The following RABGEF1 variants were observed in gnomAD, a reference collection of about 807,000 sequenced individuals.
RABGEF1 encodes the protein rab5 GDP/GTP exchange factor.
In RABGEF1, 26 loss-of-function variants were observed where a neutral mutation model predicts 57.3. The observed-to-expected ratio is 0.45, with a 90% CI of 0.33 to 0.63. The LOEUF is 0.63. Among genes scored for constraint, RABGEF1 ranks in the 20% least tolerant of loss-of-function variants. The pLI, the probability that RABGEF1 is intolerant of heterozygous loss-of-function variation, is 0.02. For synonymous variants in RABGEF1, 185 were observed against 210.7 expected, an observed-to-expected ratio of 0.88 and a Z score of 1.06; for missense variants, 464 against 607.6, an observed-to-expected ratio of 0.76 and a Z score of 2.48.
At chr7:66,768,273 CT>C (rs542676594) in intron 1 of RABGEF1, among the ~76,000 whole-genome samples, 200 of 152,256 alleles carry the variant, frequency 1.3e-3, no homozygotes, top group African/African-American at 4.6e-3. Context: ...TACAAACATC[CT>C]TGACTGCACA....
chr7:66,747,592 T>C (rs1389295097), intron 1 of RABGEF1, among the ~76,000 whole-genome samples: 1 of 152,230 alleles, frequency 6.6e-6, no homozygotes, highest in Non-Finnish European at 1.5e-5. Flanking sequence ...CTGTGTGCTT[T>C]GCAGTTAAAA....
the RABGEF1 span, among the ~76,000 whole-genome samples, chr7:66,654,803 T>A: frequency 6.6e-6 from 1 of 152,142 alleles, no homozygotes; most frequent in Non-Finnish European, 1.5e-5. Context: ...CCCCGTCAGC[T>A]CCGCCTTCCC....
intron 1 of RABGEF1, among the ~76,000 whole-genome samples, chr7:66,702,709 C>T (rs1423892027): frequency 6.6e-6 from 1 of 152,152 alleles, no homozygotes; most frequent in Non-Finnish European, 1.5e-5. Context: ...TTTTCACTTA[C>T]ATTTCACTAA....
At chr7:66,779,195 G>A (rs896949496) in intron 3 of RABGEF1, among the ~76,000 whole-genome samples, 5 of 151,922 alleles carry the variant, frequency 3.3e-5, no homozygotes, top group Non-Finnish European at 1.5e-5. Context: ...CATAATCCGT[G>A]TGTTAATTTA....
chr7:66,720,397 C>T (rs1471968314), intron 2 of RABGEF1, among the ~76,000 whole-genome samples: 2 of 151,214 alleles, frequency 1.3e-5, no homozygotes, highest in African/African-American at 4.9e-5. Flanking sequence ...GGGGTTTCGC[C>T]ATGTTGGCCA....
chr7:66,677,252 T>G (rs1789337386), upstream of RABGEF1, among the ~76,000 whole-genome samples: 1 of 152,106 alleles, frequency 6.6e-6, no homozygotes, highest in African/African-American at 2.4e-5. Context: ...TTCCTCAACA[T>G]GATAAAGGCC....
intron 1 of RABGEF1, among the ~76,000 whole-genome samples, chr7:66,767,675 A>G (rs972551637): frequency 6.6e-6 from 1 of 152,194 alleles, no homozygotes; most frequent in Non-Finnish European, 1.5e-5. Context: ...AAGTGCCCTT[A>G]TAAGAGACTG....
chr7:66,772,578 A>G (rs1247803759), intron 2 of RABGEF1, among the ~76,000 whole-genome samples: 1 of 152,180 alleles, frequency 6.6e-6, no homozygotes, highest in Admixed American at 6.6e-5. Context: ...AAATTAGGTT[A>G]GCATTTGGTA....
chr7:66,743,541 G>A (rs1005321861), intron 1 of RABGEF1, among the ~76,000 whole-genome samples: 2 of 151,336 alleles, frequency 1.3e-5, no homozygotes, highest in Non-Finnish European at 2.9e-5. Context: ...TGGCTCTGTC[G>A]CCCAGGCTGG....
chr7:66,702,936 C>T (rs188713034), intron 1 of RABGEF1, among the ~76,000 whole-genome samples: 1 of 151,946 alleles, frequency 6.6e-6, no homozygotes, highest in African/African-American at 2.4e-5. Context: ...TTTATTTTCA[C>T]TTTTTTGATA....
intron 2 of RABGEF1, among the ~76,000 whole-genome samples, chr7:66,721,977 C>A (rs1279718655): frequency 1.3e-5 from 2 of 149,822 alleles, no homozygotes; most frequent in Non-Finnish European, 2.9e-5. Context: ...TATAGTGAGA[C>A]CCCCCCTCCG....
intron 2 of RABGEF1, among the ~76,000 whole-genome samples, chr7:66,734,926 C>T (rs1393704221): frequency 6.6e-6 from 1 of 152,130 alleles, no homozygotes; most frequent in East Asian, 1.9e-4. Context: ...CATGGCCAAA[C>T]AGGTTTGTCT....
chr7:66,720,145 AT>A lies in RABGEF1; in HGVS notation c.-815+7924del, dbSNP rs999007167. ...ATCTCAATACTTGCAGAAAAGAAGC[AT>A]TTGACAACATTCAACATCCATTCAT... is the stretch of plus-strand genomic sequence containing the variant. On this transcript the variant is annotated intron_variant and NMD_transcript_variant, in intron 2 of 9. Transcript: ENST00000607882. Among the ~76,000 whole-genome samples the A allele has an allele frequency of 2.3e-3, 347 of 150,626 alleles. 1 individual carries two copies. Among genetic ancestry groups the A allele is most frequent in the Admixed American group, 3.9e-3 (59 of 15,140 alleles).
chr7:66,803,519 C>T (rs779426544), intron 7 of RABGEF1, among the ~76,000 whole-genome samples: 4 of 152,170 alleles, frequency 2.6e-5, no homozygotes, highest in South Asian at 4.1e-4. Flanking sequence ...CAGCACCCTT[C>T]GCTGTCCCCC....
the RABGEF1 span, chr7:66,654,718 G>C: frequency 1.3e-5 from 2 of 152,840 alleles, no homozygotes; most frequent in Non-Finnish European, 2.9e-5. Context: ...CGGCGGGGCG[G>C]TCGGTCCGTG....
intron 1 of RABGEF1, among the ~76,000 whole-genome samples, chr7:66,759,472 T>C (rs1221764753): frequency 6.6e-6 from 1 of 152,210 alleles, no homozygotes; most frequent in Non-Finnish European, 1.5e-5. Flanking sequence ...TACTGGAGGT[T>C]GGTCACATAG....
At chr7:66,657,906 A>C in the RABGEF1 span, among the ~76,000 whole-genome samples, 1 of 152,206 alleles carries the variant, frequency 6.6e-6, no homozygotes, top group East Asian at 1.9e-4. Flanking sequence ...ATCTAGAAAA[A>C]GAAGAGCTAA....
intron 2 of RABGEF1, among the ~76,000 whole-genome samples, chr7:66,721,820 A>AGGT (rs1796082507): frequency 6.6e-6 from 1 of 151,930 alleles, no homozygotes; most frequent in Admixed American, 6.6e-5. Flanking sequence ...ACACAAATTT[A>AGGT]GGTGGTTTGT....
At chr7:66,732,283 C>G (rs1052459375) in intron 2 of RABGEF1, among the ~76,000 whole-genome samples, 21 of 152,328 alleles carry the variant, frequency 1.4e-4, no homozygotes, top group Non-Finnish European at 1.2e-4. Flanking sequence ...GACACGGAGC[C>G]TCATTGAGCA....
Sources: allele counts gnomAD v4.1 joint callset (sites outside exome capture counted in the v4.1 genomes callset), GRCh38; gene constraint gnomAD v4.1.1; transcripts MANE v1.5; gene names NCBI Gene and HGNC (gene_info 2026-07-23, HGNC 2026-07-21).